Variants in C7 observed in about 807,000 individuals in gnomAD.
C7 encodes complement component C7.
In C7, 83 loss-of-function variants were observed where a neutral mutation model predicts 104.8. The observed-to-expected ratio is 0.79, with a 90% CI of 0.66 to 0.95. The LOEUF (loss-of-function observed/expected upper bound fraction) is 0.95, where lower values mean the gene tolerates loss of function less well. Among genes scored for constraint, C7 ranks in the 40% least tolerant of loss-of-function variants. The pLI is 0.00. For synonymous variants in C7, 415 were observed against 360.6 expected, an observed-to-expected ratio of 1.15 and a Z score of -1.71; for missense variants, 1,070 against 1,011.2, an observed-to-expected ratio of 1.06 and a Z score of -0.79.
intron 9 of C7, 89 bp downstream of exon 9, chr5:40,950,103 T>TA: frequency 1.4e-6 from 1 of 714,458 alleles, no homozygotes. Flanking sequence ...GTTATGTAGG[T>TA]AAACTTGTGT....
chr5:40,942,250 T>G (rs1405538426), intron 6 of C7, among the ~76,000 whole-genome samples: 1 of 152,162 alleles, frequency 6.6e-6, no homozygotes. Flanking sequence ...GGTAAAGCAT[T>G]TCTTATTTTA....
intron 15 of C7, among the ~76,000 whole-genome samples, chr5:40,975,964 GT>G (rs1282310520): frequency 6.6e-6 from 1 of 152,206 alleles, no homozygotes; most frequent in African/African-American, 2.4e-5. Flanking sequence ...AAGTCAGGAT[GT>G]TTTTAGATCA....
intron 14 of C7, among the ~76,000 whole-genome samples, chr5:40,965,799 ACT>A (rs1315411638): frequency 6.6e-6 from 1 of 151,252 alleles, no homozygotes; most frequent in Non-Finnish European, 1.5e-5. Context: ...GTGCCAACAC[ACT>A]CTGCTAATTT....
chr5:40,980,022 T>G (rs902227193), intron 17 of C7, 113 bp downstream of exon 17: 2 of 920,980 alleles, frequency 2.2e-6, no homozygotes, highest in Non-Finnish European at 1.6e-6. Context: ...TTGAGGATGT[T>G]AAAGACTCAG....
chr5:40,918,408 C>T (rs1237851803), intron 1 of C7, among the ~76,000 whole-genome samples: 1 of 151,838 alleles, frequency 6.6e-6, no homozygotes, highest in South Asian at 2.1e-4. Context: ...AAAACAACAA[C>T]AACAACATAA....
intron 1 of C7, among the ~76,000 whole-genome samples, chr5:40,915,800 C>G (rs1293060644): frequency 2.0e-5 from 3 of 152,010 alleles, no homozygotes; most frequent in Admixed American, 6.6e-5. Context: ...CAGCCAGAAG[C>G]AGGCAGGCAG....
Position 40,972,488 on chromosome 5 carries a change from T to C in C7, c.1968T>C (p.Thr656=). The C allele has an allele frequency of 6.2e-7, 1 of 1,613,896 alleles. No individual in the cohort carries two copies. The highest frequency in any genetic ancestry group is 1.1e-5 in the South Asian group (1 of 91,074). ...KPFYTVGEKV[T]VSCSGGMSLE... ...TCTACACAGTTGGTGAGAAGGTGAC[T>C]GTTTCCTGTTCAGGTGGCATGTCCT... Residue 656 remains threonine, a synonymous_variant, in exon 15 of 18, where the codon ACT becomes ACC. Coordinates refer to ENST00000313164, the MANE Select transcript of C7 (RefSeq NM_000587.4).
intron 3 of C7, among the ~76,000 whole-genome samples, chr5:40,933,420 T>G (rs1446752766): frequency 6.6e-6 from 1 of 152,222 alleles, no homozygotes; most frequent in Non-Finnish European, 1.5e-5. Context: ...GCTCACTGAT[T>G]GCCAGGGGTA....
intron 1 of C7, among the ~76,000 whole-genome samples, chr5:40,911,913 A>ATTTTTTTT (rs745734485): frequency 7.8e-6 from 1 of 127,586 alleles, no homozygotes; most frequent in Non-Finnish European, 1.7e-5. Context: ...TAATTTTTGT[A>ATTTTTTTT]TTTTTTTTTT....
At chr5:40,958,586 A>G (rs1356170328) in intron 11 of C7, among the ~76,000 whole-genome samples, 1 of 152,202 alleles carries the variant, frequency 6.6e-6, no homozygotes, top group Non-Finnish European at 1.5e-5. Context: ...TGGAGCTTGT[A>G]TATTTGCATT....
intron 15 of C7, among the ~76,000 whole-genome samples, chr5:40,975,185 C>G (rs1380641578): frequency 6.6e-6 from 1 of 152,122 alleles, no homozygotes; most frequent in Non-Finnish European, 1.5e-5. Flanking sequence ...TTAATATTAA[C>G]ATCTTACATA....
intron 7 of C7, among the ~76,000 whole-genome samples, chr5:40,946,345 T>C (rs1483198175): frequency 2.0e-5 from 3 of 152,188 alleles, no homozygotes; most frequent in Non-Finnish European, 4.4e-5. Flanking sequence ...TTATTCACAA[T>C]CTGCACATTT....
At chr5:40,968,809 A>AC (rs916288845) in intron 14 of C7, among the ~76,000 whole-genome samples, 97 of 150,238 alleles carry the variant, frequency 6.5e-4, no homozygotes, top group African/African-American at 2.2e-3. Context: ...ACGGGGTTTC[A>AC]CCATGTTGCC....
chr5:40,944,588 C>T (rs1367808569), intron 6 of C7, among the ~76,000 whole-genome samples: 1 of 152,180 alleles, frequency 6.6e-6, no homozygotes, highest in East Asian at 1.9e-4. Context: ...GAATGATTGT[C>T]TCTTCAATAA....
intron 14 of C7, among the ~76,000 whole-genome samples, chr5:40,970,284 C>T (rs1740671112): frequency 6.6e-6 from 1 of 152,060 alleles, no homozygotes; most frequent in Non-Finnish European, 1.5e-5. Flanking sequence ...TACAGCAATA[C>T]TTTGTAGAAT....
rs763800154 is a variant in C7, at chr5:40,958,143, C to T, written c.1371C>T (p.Cys457=). 6.2e-7 allele frequency: 1 copy of T among 1,613,798 alleles called. No homozygotes were observed. The highest frequency in any genetic ancestry group is 1.1e-5 in the South Asian group (1 of 91,086). The part of the protein sequence containing the change: ...EYLDEFDPCH[C]RPCQNGGLAT... Reference sequence around the variant, plus strand: ...TGGATGAATTTGACCCCTGTCATTGCCGGCCTTGTCAAAATGGTGGTTTGG... The same window carrying T: ...TGGATGAATTTGACCCCTGTCATTGTCGGCCTTGTCAAAATGGTGGTTTGG... Residue 457 remains cysteine (C), a synonymous_variant, in exon 11 of 18, where the codon TGC becomes TGT. Transcript: ENST00000313164.
chr5:40,959,879 G>C (rs1289509251), intron 12 of C7, among the ~76,000 whole-genome samples: 1 of 152,054 alleles, frequency 6.6e-6, no homozygotes, highest in Non-Finnish European at 1.5e-5. Flanking sequence ...CATTCGTTTT[G>C]GCCACCTACT....
chr5:40,918,316 C>T (rs980910068), intron 1 of C7, among the ~76,000 whole-genome samples: 6 of 151,398 alleles, frequency 4.0e-5, no homozygotes, highest in Non-Finnish European at 5.9e-5. Flanking sequence ...GCTGTGATCA[C>T]ACTACCGCAC....
chr5:40,916,714 T>TA (rs1739326857), intron 1 of C7, among the ~76,000 whole-genome samples: 5 of 151,888 alleles, frequency 3.3e-5, no homozygotes, highest in East Asian at 1.9e-4. Context: ...TATTTTTTTT[T>TA]TAAAAAAGCA....
Sources: gnomAD v4.1 joint callset for allele counts (sites outside exome capture counted in the v4.1 genomes callset) on GRCh38, gnomAD v4.1.1 for gene constraint, MANE v1.5 for transcripts, NCBI Gene and HGNC (gene_info 2026-07-23, HGNC 2026-07-21) for gene names.